CEP72: variants seen among roughly 807,000 people sequenced by gnomAD.
CEP72 encodes the protein centrosomal protein 72.
In CEP72, 78 loss-of-function variants were observed where a neutral mutation model predicts 65.7. That is an observed-to-expected ratio of 1.19 (90% confidence interval 0.99 to 1.43). The LOEUF is 1.43. Ranked by LOEUF, CEP72 falls within the 40% of genes most tolerant of loss-of-function variation. The pLI is 0.00. For synonymous variants in CEP72, 358 were observed against 351.7 expected, an observed-to-expected ratio of 1.02 and a Z score of -0.20; for missense variants, 914 against 832.9, an observed-to-expected ratio of 1.10 and a Z score of -1.20.
chr5:665,161 A>G, intron 2 of CEP72: 8 of 1,613,540 alleles, frequency 5.0e-6, no homozygotes, highest in Non-Finnish European at 6.8e-6. Context: ...CCGGACACAT[A>G]GCCTGACTCG....
Position 637,771 on chromosome 5 carries a change from T to G in CEP72, c.1159T>G (p.Ser387Ala). The G allele has an allele frequency of 6.2e-7, 1 of 1,606,192 alleles. No individual in the cohort carries two copies. Among genetic ancestry groups the G allele is most frequent in the Non-Finnish European group, 8.5e-7 (1 of 1,175,726 alleles). ...NGRTLSQPEA[S>A]ETEEQRSRGV... is the part of the protein sequence containing the mutation. ...GAGGACCTTGTCTCAGCCTGAGGCC[T>G]CGGAGACTGAGGAGCAGAGGTCTCG... Residue 387 changes from serine to alanine, a missense_variant, in exon 7 of 12, where the codon TCG becomes GCG. Coordinates refer to ENST00000264935, the MANE Select transcript of CEP72 (RefSeq NM_018140.4).
intron 6 of CEP72, 111 bp downstream of exon 6, chr5:635,695 G>A: frequency 1.1e-6 from 1 of 899,226 alleles, no homozygotes; most frequent in South Asian, 1.6e-5. Flanking sequence ...AGGCTGGGAA[G>A]TCCAAGAGCA....
Position 637,736 on chromosome 5 carries a change from G to A in CEP72, c.1124G>A (p.Ser375Asn). The change falls in exon 7 of 12, where the codon AGC becomes AAC. Residue 375 changes from serine to asparagine, a missense_variant. Coordinates refer to ENST00000264935, the MANE Select transcript of CEP72 (RefSeq NM_018140.4). ...CTGAGCAGACAGGACAGCTCAGAAA[G>A]CAGGAACGGGAGGACCTTGTCTCAG... ...ESLSRQDSSE[S>N]RNGRTLSQPE... 1 of 1,613,124 alleles carries A rather than the reference G, an allele frequency of 6.2e-7. No homozygotes were observed. The highest frequency in any genetic ancestry group is 1.7e-5 in the Admixed American group (1 of 59,970).
chr5:666,037 C>T, exon 4 of CEP72: 2 of 1,611,776 alleles, frequency 1.2e-6, no homozygotes, highest in Non-Finnish European at 1.7e-6. Context: ...GGCCTCCTCG[C>T]TGCTCTTGTC....
chr5:649,225 T>TG (rs748309583), intron 11 of CEP72, among the ~76,000 whole-genome samples: 53 of 43,042 alleles, frequency 1.2e-3, no homozygotes, highest in Non-Finnish European at 1.3e-3. Flanking sequence ...CTGTGAGGTG[T>TG]GACTGTGAGG....
intron 1 of CEP72, among the ~76,000 whole-genome samples, chr5:615,056 C>T (rs1285180964): frequency 4.7e-5 from 7 of 149,560 alleles, no homozygotes; most frequent in African/African-American, 1.5e-4. Context: ...TGTTTTGAAG[C>T]TCTGTTTGTT....
At chr5:666,005 T>A (rs1048417660) in exon 4 of CEP72, 2 of 1,546,660 alleles carry the variant, frequency 1.3e-6, no homozygotes, top group Non-Finnish European at 1.8e-6. Context: ...TTGCCCTCGA[T>A]GAGCCTGTGC....
At position 624,546 on chromosome 5, in the gene CEP72, A is replaced by T. The variant is rs1245763964; in HGVS notation, c.479A>T (p.Lys160Ile). ...HFASEDSLDSKESVPASLKEG... is the reference protein window; with the variant it reads ...HFASEDSLDSIESVPASLKEG... ...GCATCAGAGGACTCACTCGACTCCA[A>T]AGAGAGCGTCCCAGCTTCTTTGAAA... The change falls in exon 4 of 12, where the codon AAA becomes ATA. Residue 160 changes from lysine to isoleucine, a missense_variant. Lys to Ile is a moderately radical substitution (Grantham distance 102). Transcript: ENST00000264935. The surrounding 1 kb of genome is among the most constrained non-coding windows in gnomAD (Gnocchi z 4.7). The T allele has an allele frequency of 1.2e-6, 2 of 1,613,896 alleles. No individual in the cohort carries two copies. Among genetic ancestry groups the T allele is most frequent in the Non-Finnish European group, 8.5e-7 (1 of 1,179,774 alleles).
chr5:666,140 G>T (rs759942758), intron 4 of CEP72: 1 of 1,606,178 alleles, frequency 6.2e-7, no homozygotes, highest in South Asian at 1.1e-5. Context: ...GGGCACAGGC[G>T]ACTTAGGGCT....
chr5:653,066 G>T lies in CEP72; in HGVS notation c.1857G>T (p.Gln619His). The T allele has an allele frequency of 1.9e-6, 3 of 1,613,928 alleles. No individual in the cohort carries two copies. The highest frequency in any genetic ancestry group is 2.5e-6 in the Non-Finnish European group (3 of 1,180,030). ...CGCAGCACAGAGCCGAGGTGGAGCA[G>T]ATGCACTGGAGCTACCAGGAGCTCA... is the stretch of plus-strand genomic sequence containing the variant. ...VRAQHRAEVE[Q>H]MHWSYQELKK... is the part of the protein sequence containing the mutation. The change falls in exon 12 of 12, where the codon CAG (glutamine) becomes CAT (histidine). Residue 619 changes from glutamine (Q) to histidine (H), a missense_variant. Transcript: ENST00000264935.
the CEP72 span, among the ~76,000 whole-genome samples, chr5:673,098 G>T: frequency 1.8e-4 from 28 of 152,318 alleles, no homozygotes; most frequent in Non-Finnish European, 3.4e-4. Context: ...AAGCTCCTGA[G>T]GGAGGCAGAG....
chr5:628,909 G>C lies in CEP72; in HGVS notation c.512+4330G>C, dbSNP rs79229751. ...TTGCCGTCCCTGGGGAGTGGCCCCA[G>C]GACCCAGCCCCCTTCTTTGTGCAGC... On this transcript the variant is annotated intron_variant, in intron 4 of 11. Coordinates refer to ENST00000264935, the MANE Select transcript of CEP72 (RefSeq NM_018140.4). Among the ~76,000 whole-genome samples, 253 of 82,126 alleles carry C rather than the reference G, an allele frequency of 3.1e-3. 20 individuals carry two copies. Among genetic ancestry groups the C allele is most frequent in the Admixed American group, 4.5e-3 (36 of 8,076 alleles). 53.9% of individuals were successfully genotyped at this position (82,126 alleles called of 152,430 possible).
chr5:653,297 G>A lies in CEP72; in HGVS notation c.*144G>A. On this transcript the variant is annotated 3_prime_UTR_variant, in exon 12 of 12. Coordinates refer to ENST00000264935, the MANE Select transcript of CEP72 (RefSeq NM_018140.4). ...ATTTAGGATTTTTGGAATGTATTCA[G>A]GACCTGTAGCTTGGTTTTCTAAAGC... The A allele has an allele frequency of 1.3e-6, 1 of 797,158 alleles. No homozygotes were observed. Among genetic ancestry groups the A allele is most frequent in the Non-Finnish European group, 1.8e-6 (1 of 542,806 alleles). 49.4% of individuals were successfully genotyped at this position (797,158 alleles called of 1,614,324 possible).
intron 3 of CEP72, among the ~76,000 whole-genome samples, chr5:621,071 G>C (rs1460339530): frequency 1.3e-5 from 2 of 152,160 alleles, no homozygotes; most frequent in African/African-American, 4.8e-5. Flanking sequence ...TGAAGTGGGG[G>C]GATAAGAATG....
intron 4 of CEP72, among the ~76,000 whole-genome samples, chr5:628,087 A>G (rs1458399279): frequency 6.6e-6 from 1 of 152,254 alleles, no homozygotes; most frequent in Non-Finnish European, 1.5e-5. Context: ...AGAACAGAAT[A>G]TGCTTCATAG....
chr5:639,923 C>T (rs1424332458), intron 8 of CEP72, among the ~76,000 whole-genome samples: 3 of 152,334 alleles, frequency 2.0e-5, no homozygotes, highest in East Asian at 1.9e-4. Context: ...AGAATGAGGA[C>T]GCCCTGCAGT....
chr5:660,258 T>C (rs1242057346), downstream of CEP72: 2 of 151,836 alleles, frequency 1.3e-5, no homozygotes, highest in Non-Finnish European at 2.9e-5. Flanking sequence ...GAAAAAAACT[T>C]AGTACAAACT....
chr5:654,269 T>C (rs1381607216), downstream of CEP72, among the ~76,000 whole-genome samples: 4 of 131,744 alleles, frequency 3.0e-5, no homozygotes, highest in African/African-American at 1.2e-4. Flanking sequence ...GTGTGTGTGC[T>C]TGTGCGCTTG....
chr5:634,519 T>C (rs943584129), intron 5 of CEP72, among the ~76,000 whole-genome samples: 6 of 152,246 alleles, frequency 3.9e-5, no homozygotes, highest in African/African-American at 1.4e-4. Context: ...TGTGCAAAGA[T>C]GTCTGCCCTG....
Sources: gnomAD v4.1 joint callset for allele counts (sites outside exome capture counted in the v4.1 genomes callset) on GRCh38, gnomAD v4.1.1 for gene constraint, Gnocchi (gnomAD v3.1) non-coding constraint, MANE v1.5 for transcripts, NCBI Gene and HGNC (gene_info 2026-07-23, HGNC 2026-07-21) for gene names.